GLI3: variants seen among roughly 807,000 people sequenced by gnomAD.
GLI3 encodes the protein GLI family zinc finger 3, also known as transcription activator GLI3.
Under a neutral mutation model 100.8 loss-of-function variants are expected in GLI3, and 20 were observed. The observed-to-expected ratio is 0.20, with a 90% CI of 0.14 to 0.29. The LOEUF is 0.29. Ranked by LOEUF, GLI3 falls within the 10% of genes least tolerant of loss-of-function variation. GLI3 has a pLI of 1.00. For missense variants in GLI3, 2,040 were observed against 2,128.5 expected (o/e 0.96, Z 0.82); for synonymous variants, 938 against 860.5 (o/e 1.09, Z -1.58).
intron 3 of GLI3, among the ~76,000 whole-genome samples, chr7:42,104,784 TTAAAG>T: frequency 6.6e-6 from 1 of 152,146 alleles, no homozygotes; most frequent in South Asian, 2.1e-4. Context: ...GGGGTTCCTT[TTAAAG>T]AGGCCCCAGA....
At chr7:42,152,617 G>A (rs985212678) in intron 2 of GLI3, among the ~76,000 whole-genome samples, 2 of 152,140 alleles carry the variant, frequency 1.3e-5, no homozygotes, top group African/African-American at 2.4e-5. Flanking sequence ...AGGGTCAGGC[G>A]GCTAATCATT....
chr7:42,053,663 C>T (rs1394872970), intron 4 of GLI3, among the ~76,000 whole-genome samples: 1 of 152,144 alleles, frequency 6.6e-6, no homozygotes, highest in East Asian at 1.9e-4. Flanking sequence ...CGCTTTCGGT[C>T]TTTGTGGCAG....
At chr7:42,122,839 T>A (rs556353462) in intron 3 of GLI3, among the ~76,000 whole-genome samples, 1 of 152,322 alleles carries the variant, frequency 6.6e-6, no homozygotes, top group African/African-American at 2.4e-5. Flanking sequence ...ATAATCAGAT[T>A]TTCCTAGAGC....
intron 1 of GLI3, among the ~76,000 whole-genome samples, chr7:42,262,074 T>C (rs1246897164): frequency 6.6e-6 from 1 of 151,570 alleles, no homozygotes; most frequent in Non-Finnish European, 1.5e-5. Flanking sequence ...CTCTCTCTCT[T>C]TCTTTCTTTT....
At chr7:42,162,020 T>C (rs1165138141) in intron 2 of GLI3, among the ~76,000 whole-genome samples, 1 of 152,178 alleles carries the variant, frequency 6.6e-6, no homozygotes, top group African/African-American at 2.4e-5. Context: ...CCTGACCTTC[T>C]AAGGGGAGTA....
At chr7:42,171,503 A>G (rs1397283197) in intron 2 of GLI3, among the ~76,000 whole-genome samples, 1 of 152,250 alleles carries the variant, frequency 6.6e-6, no homozygotes, top group Non-Finnish European at 1.5e-5. Flanking sequence ...ATAGTGAAAT[A>G]AGGCTAATAT....
intron 2 of GLI3, among the ~76,000 whole-genome samples, chr7:42,203,371 C>T (rs901705283): frequency 6.6e-6 from 1 of 152,108 alleles, no homozygotes; most frequent in African/African-American, 2.4e-5. Flanking sequence ...TATCCTTTGA[C>T]CAACATCTCC....
At chr7:42,037,289 C>T (rs1028174220) in intron 7 of GLI3, among the ~76,000 whole-genome samples, 1 of 152,212 alleles carries the variant, frequency 6.6e-6, no homozygotes, top group African/African-American at 2.4e-5. Flanking sequence ...CTCTCCTGTA[C>T]CTTTCGCTGT....
In GLI3 at chr7:41,965,795, G is replaced by C; in HGVS notation, c.3278C>G (p.Pro1093Arg). ...ATTTAAATACTGCACCACGTCGTCC[G>C]GCAGGAAATCCTCATCGTTCAGGTT... ...DANLNDEDFL[P>R]DDVVQYLNSQ... Residue 1093 changes from proline to arginine, a missense_variant, in exon 15 of 15, where the codon CCG becomes CGG. By Grantham distance (103) the Pro-to-Arg change is moderately radical. Coordinates refer to ENST00000395925, the MANE Select transcript of GLI3 (RefSeq NM_000168.6). 1 of 1,613,528 alleles carries C rather than the reference G, an allele frequency of 6.2e-7. No homozygotes were observed. The highest frequency in any genetic ancestry group is 8.5e-7 in the Non-Finnish European group (1 of 1,179,964).
intron 11 of GLI3, among the ~76,000 whole-genome samples, chr7:41,978,127 G>A (rs759516424): frequency 2.6e-5 from 4 of 152,320 alleles, no homozygotes; most frequent in Middle Eastern, 3.4e-3. Context: ...CCAGGGCTCA[G>A]CGTGCCCAGT....
intron 10 of GLI3, among the ~76,000 whole-genome samples, chr7:42,017,661 G>C (rs189053686): frequency 6.6e-6 from 1 of 152,176 alleles, no homozygotes; most frequent in African/African-American, 2.4e-5. Flanking sequence ...AAGGTTGAAC[G>C]AGGCAAGGCC....
intron 10 of GLI3, among the ~76,000 whole-genome samples, chr7:41,999,192 AT>A: frequency 6.6e-6 from 1 of 152,280 alleles, no homozygotes; most frequent in South Asian, 2.1e-4. Flanking sequence ...AAGAAAAAAA[AT>A]GAGACCATCT....
At chr7:42,069,202 C>T (rs1189213223) in intron 4 of GLI3, among the ~76,000 whole-genome samples, 2 of 152,322 alleles carry the variant, frequency 1.3e-5, no homozygotes, top group East Asian at 3.9e-4. Flanking sequence ...TGAATATACA[C>T]TATAATTAGG....
Position 41,967,848 on chromosome 7 carries a change from C to T in GLI3, c.2179G>A (p.Gly727Arg), listed in dbSNP as rs121917710. Residue 727 changes from glycine to arginine, a missense_variant, in exon 14 of 15, where the codon GGG (glycine) becomes AGG (arginine). Gly to Arg is a moderately radical substitution (Grantham distance 125). Transcript: ENST00000395925. ...QSPISNYSNS[G>R]LELPLTDGGS... is the part of the protein sequence containing the mutation. ...CCATCGGTCAGAGGAAGCTCGAGCC[C>T]ACTGTTGGAATAGTTGCTGATGGGG... The T allele has an allele frequency of 6.4e-3, 10,255 of 1,614,096 alleles. 53 individuals are homozygous for T. The highest frequency in any genetic ancestry group is 7.3e-3 in the Non-Finnish European group (8,590 of 1,180,006).
At position 42,094,030 on chromosome 7, in the gene GLI3, G is replaced by A. The variant is rs78128805; in HGVS notation, c.368-17173C>T. On this transcript the variant is annotated intron_variant, in intron 3 of 14. Coordinates refer to ENST00000395925, the MANE Select transcript of GLI3 (RefSeq NM_000168.6). ...CAGAGAGGAAGGGCGCAAAAGTCAA[G>A]CAGGAGATGAGGAGAGGCCAGTGCC... is the stretch of plus-strand genomic sequence containing the variant. 3.2e-3 allele frequency among the ~76,000 whole-genome samples: 491 copies of A among 152,132 alleles called. 4 individuals carry two copies. Among genetic ancestry groups the A allele is most frequent in the African/African-American group, 0.011 (455 of 41,510 alleles).
chr7:42,091,756 C>T (rs1023695779), intron 3 of GLI3, among the ~76,000 whole-genome samples: 5 of 152,212 alleles, frequency 3.3e-5, no homozygotes, highest in African/African-American at 7.2e-5. Context: ...TCCGCTCGCT[C>T]GGCTCAGTTT....
chr7:42,203,336 T>C (rs565579013), intron 2 of GLI3, among the ~76,000 whole-genome samples: 19 of 152,276 alleles, frequency 1.2e-4, no homozygotes, highest in African/African-American at 4.1e-4. Context: ...GTTGAACTTA[T>C]TCCTCCTACC....
intron 4 of GLI3, among the ~76,000 whole-genome samples, chr7:42,057,242 C>CA (rs1333665771): frequency 6.6e-6 from 1 of 152,134 alleles, no homozygotes; most frequent in Non-Finnish European, 1.5e-5. Context: ...TTTTAACTAA[C>CA]TCTCCATAAA....
chr7:42,103,119 G>A (rs1321928897), intron 3 of GLI3, among the ~76,000 whole-genome samples: 1 of 136,346 alleles, frequency 7.3e-6, no homozygotes, highest in Admixed American at 7.3e-5. Flanking sequence ...CTGACTGGGG[G>A]AGAGTATGTT....
Sources: gnomAD v4.1 joint callset for allele counts (sites outside exome capture counted in the v4.1 genomes callset) on GRCh38, gnomAD v4.1.1 for gene constraint, MANE v1.5 for transcripts, NCBI Gene and HGNC (gene_info 2026-07-23, HGNC 2026-07-21) for gene names.